The following WDFY4 variants were observed in gnomAD, a reference collection of about 807,000 sequenced individuals.
WDFY4 encodes the protein WDFY family member 4.
In WDFY4, 169 loss-of-function variants were observed where a neutral mutation model predicts 351.9. The observed-to-expected ratio is 0.48, with a 90% CI of 0.42 to 0.55. WDFY4 has a LOEUF of 0.55. WDFY4 is among the 20% of genes least tolerant of loss of function. WDFY4 has a pLI of 0.00. For synonymous variants in WDFY4, 1,622 were observed against 1,574.6 expected (o/e 1.03, Z -0.71); for missense variants, 3,803 against 3,935.6 (o/e 0.97, Z 0.90).
rs183610754 is a variant in WDFY4 at position 48,777,136 on chromosome 10, C to T, written c.3098+152C>T. ...GGGTCATGGACACCCGCCTACTCAG[C>T]GGCCTCCCAGGGGCTGTGTCCCCAG... On this transcript the variant is annotated intron_variant, in intron 16 of 61. Coordinates refer to ENST00000325239, the MANE Select transcript of WDFY4 (RefSeq NM_001394531.1). Among the ~76,000 whole-genome samples the T allele has an allele frequency of 4.7e-3, 719 of 152,344 alleles. 4 individuals are homozygous for T. The highest frequency in any genetic ancestry group is 0.01 in the Middle Eastern group (3 of 294).
At chr10:48,901,698 G>C in intron 46 of WDFY4, 103 bp from the exon 47 acceptor site, 1 of 1,258,582 alleles carries the variant, frequency 7.9e-7, no homozygotes, top group Non-Finnish European at 1.1e-6. Flanking sequence ...GCGAGGGGGA[G>C]CAATAATGAG....
In WDFY4 at chr10:48,853,053, TTC is replaced by T. The variant is rs571920919; in HGVS notation, c.6664-14208_6664-14207del. On this transcript the variant is annotated intron_variant, in intron 39 of 61. Transcript: ENST00000325239. ...ATTTTCAGACCTCATCTCACCGGGC[TTC>T]TCTGATGCATTTACCATGTTTAAAC... 1.4e-4 allele frequency among the ~76,000 whole-genome samples: 21 copies of T among 152,300 alleles called. No homozygotes were observed. In the South Asian group the frequency reaches 4.1e-3, roughly 30 times the overall value.
intron 3 of WDFY4, 27 bp downstream of exon 3, chr10:48,720,152 C>A (rs1456246633): frequency 6.5e-6 from 10 of 1,548,166 alleles, no homozygotes; most frequent in South Asian, 1.2e-5. Context: ...GCTGGCAGAC[C>A]CTCTACAGAG....
intron 19 of WDFY4, among the ~76,000 whole-genome samples, chr10:48,783,885 A>G (rs2066307557): frequency 6.6e-6 from 1 of 152,232 alleles, no homozygotes; most frequent in East Asian, 1.9e-4. Context: ...AAAGTACAGT[A>G]AAAATATGAT....
chr10:48,897,145 C>T (rs933239201), intron 44 of WDFY4, among the ~76,000 whole-genome samples: 2 of 152,220 alleles, frequency 1.3e-5, no homozygotes, highest in African/African-American at 4.8e-5. Context: ...TTGTCAGCAT[C>T]ATCCTGGAAA....
chr10:48,930,962 G>C (rs17700082), intron 47 of WDFY4, among the ~76,000 whole-genome samples: 8,746 of 152,132 alleles, frequency 0.057, 308 homozygotes, highest in Non-Finnish European at 0.087. Context: ...GCTCTCTGAA[G>C]GGACGGTACT....
intron 47 of WDFY4, among the ~76,000 whole-genome samples, chr10:48,933,236 CT>C (rs1442601792): frequency 2.0e-5 from 3 of 152,212 alleles, no homozygotes; most frequent in African/African-American, 7.2e-5. Flanking sequence ...CTAGAGGGGC[CT>C]AGCACTTCCC....
At chr10:48,969,639 C>T (rs999469776) in intron 56 of WDFY4, among the ~76,000 whole-genome samples, 2 of 152,190 alleles carry the variant, frequency 1.3e-5, no homozygotes, top group Non-Finnish European at 2.9e-5. Context: ...AAGCTGTTTC[C>T]CTACTGGTCC....
chr10:48,819,180 G>A (rs574946238), intron 32 of WDFY4, among the ~76,000 whole-genome samples: 7 of 152,310 alleles, frequency 4.6e-5, no homozygotes, highest in South Asian at 4.1e-4. Context: ...GATCGCGGGC[G>A]AGGTCGGGCT....
intron 1 of WDFY4, among the ~76,000 whole-genome samples, chr10:48,689,159 A>G (rs2063132669): frequency 6.6e-6 from 1 of 152,078 alleles, no homozygotes; most frequent in Admixed American, 6.5e-5. Context: ...CTAAAGCCAC[A>G]CCTTAGAGCT....
Position 48,830,714 on chromosome 10 carries a change from C to T in WDFY4, c.6355C>T (p.Gln2119Ter), listed in dbSNP as rs2068160536. The T allele has an allele frequency of 1.3e-6, 2 of 1,551,424 alleles. No individual in the cohort carries two copies. Among genetic ancestry groups the T allele is most frequent in the Non-Finnish European group, 1.7e-6 (2 of 1,146,936 alleles). Residue 2119 changes from glutamine (Q) to a stop codon, truncating the protein, a stop_gained, in exon 38 of 62, where the codon CAG (glutamine) becomes TAG (stop). Coordinates refer to ENST00000325239, the MANE Select transcript of WDFY4 (RefSeq NM_001394531.1). LOFTEE classifies it high-confidence loss of function. ...PSLSDVQHNI[Q>*]KTVQTLWQQL... The stretch of plus-strand genomic sequence containing the variant: ...CTCTCTGCTAGTCCAACACAACATC[C>T]AGAAGACAGTGCAGACTCTCTGGCA...
intron 12 of WDFY4, among the ~76,000 whole-genome samples, chr10:48,754,667 C>T (rs1464272940): frequency 1.3e-5 from 2 of 151,970 alleles, no homozygotes; most frequent in African/African-American, 4.8e-5. Context: ...CACCCTTCCC[C>T]TCACACCCAG....
intron 43 of WDFY4, among the ~76,000 whole-genome samples, chr10:48,880,926 T>A (rs1389021486): frequency 1.3e-5 from 2 of 151,626 alleles, no homozygotes; most frequent in African/African-American, 4.9e-5. Flanking sequence ...GGGTGGAGGC[T>A]ACAGGCAGGG....
chr10:48,928,476 C>T (rs1839774575), intron 47 of WDFY4, among the ~76,000 whole-genome samples: 2 of 151,764 alleles, frequency 1.3e-5, no homozygotes, highest in South Asian at 2.1e-4. Flanking sequence ...ACTCCAGGTG[C>T]CAGCCCAGTA....
chr10:48,864,882 AG>A (rs1424260300), intron 39 of WDFY4, among the ~76,000 whole-genome samples: 5 of 152,196 alleles, frequency 3.3e-5, no homozygotes, highest in Non-Finnish European at 7.3e-5. Context: ...AGTGGTGGAT[AG>A]GAACACAGCT....
At chr10:48,941,409 T>G (rs1589960313) in intron 47 of WDFY4, among the ~76,000 whole-genome samples, 2 of 152,200 alleles carry the variant, frequency 1.3e-5, no homozygotes, top group African/African-American at 2.4e-5. Flanking sequence ...CTCATGGCCT[T>G]CCACGTTGTT....
At chr10:48,712,798 C>G (rs2063800508) in intron 2 of WDFY4, among the ~76,000 whole-genome samples, 1 of 151,790 alleles carries the variant, frequency 6.6e-6, no homozygotes, top group African/African-American at 2.4e-5. Flanking sequence ...TAAGGTTTTC[C>G]ATGAAGTTCC....
At chr10:48,713,099 C>T (rs1300447054) in intron 2 of WDFY4, among the ~76,000 whole-genome samples, 1 of 152,196 alleles carries the variant, frequency 6.6e-6, no homozygotes, top group Non-Finnish European at 1.5e-5. Context: ...TCGGAAAGGC[C>T]ATGTCCCTAG....
intron 51 of WDFY4, among the ~76,000 whole-genome samples, chr10:48,956,231 C>A (rs1001754467): frequency 6.6e-6 from 1 of 152,206 alleles, no homozygotes; most frequent in Non-Finnish European, 1.5e-5. Flanking sequence ...GACAGCCAGG[C>A]CTGGGGCTGT....
Sources: gnomAD v4.1 joint callset for allele counts (sites outside exome capture counted in the v4.1 genomes callset) on GRCh38, gnomAD v4.1.1 for gene constraint, MANE v1.5 for transcripts, NCBI Gene and HGNC (gene_info 2026-07-23, HGNC 2026-07-21) for gene names.